Variants in NAALADL2 observed in about 807,000 individuals in gnomAD.
NAALADL2 encodes N-acetylated alpha-linked acidic dipeptidase like 2.
In NAALADL2, 76 loss-of-function variants were observed where a neutral mutation model predicts 87.2. The ratio of observed to expected loss-of-function variants is 0.87; its 90% CI spans 0.72 to 1.05. NAALADL2 has a LOEUF of 1.05. Among genes scored for constraint, NAALADL2 ranks in the 50% least tolerant of loss-of-function variants. The pLI, the probability that NAALADL2 is intolerant of heterozygous loss-of-function variation, is 0.00. For missense variants in NAALADL2, 1,089 were observed against 945.8 expected, an observed-to-expected ratio of 1.15 and a Z score of -1.99; for synonymous variants, 354 against 331.0, an observed-to-expected ratio of 1.07 and a Z score of -0.75.
At chr3:175,202,159 C>T (rs1391475076) in intron 2 of NAALADL2, among the ~76,000 whole-genome samples, 1 of 152,102 alleles carries the variant, frequency 6.6e-6, no homozygotes, top group Non-Finnish European at 1.5e-5. Context: ...ATTCATATTC[C>T]TAATCACTCT....
chr3:174,700,579 C>CAAA lies in NAALADL2; in HGVS notation c.-114-37056_-114-37054dup, dbSNP rs568183668. Among the ~76,000 whole-genome samples, 873 of 151,710 alleles carry CAAA rather than the reference C, an allele frequency of 5.8e-3. 9 individuals carry two copies. Among genetic ancestry groups the CAAA allele is most frequent in the African/African-American group, 0.019 (798 of 41,398 alleles). On this transcript the variant is annotated intron_variant, in intron 2 of 3. Transcript: ENST00000434257. ...TGACTTTTCATTTATTTTAGAAAAA[C>CAAA]AAAAAAAATGTATTGAATGCTTTCT...
At chr3:175,683,463 G>A (rs1422406533) in intron 11 of NAALADL2, among the ~76,000 whole-genome samples, 1 of 151,844 alleles carries the variant, frequency 6.6e-6, no homozygotes, top group Non-Finnish European at 1.5e-5. Context: ...TTAAGGTTTT[G>A]ATATAAGGTT....
intron 10 of NAALADL2, among the ~76,000 whole-genome samples, chr3:175,579,732 GAC>G (rs1719471291): frequency 6.6e-6 from 1 of 152,162 alleles, no homozygotes; most frequent in African/African-American, 2.4e-5. Context: ...AAAAGGAAAA[GAC>G]AGATGCTTTC....
intron 11 of NAALADL2, among the ~76,000 whole-genome samples, chr3:175,699,399 T>A (rs1001188848): frequency 6.6e-6 from 1 of 152,048 alleles, no homozygotes; most frequent in African/African-American, 2.4e-5. Flanking sequence ...GTCCTCTGTC[T>A]TAAGTTTGCT....
intron 2 of NAALADL2, among the ~76,000 whole-genome samples, chr3:174,711,107 G>A (rs1219012213): frequency 6.6e-6 from 1 of 152,062 alleles, no homozygotes; most frequent in Non-Finnish European, 1.5e-5. Context: ...TTCCTCTTGG[G>A]GGAAAACTGG....
chr3:175,093,416 T>TATATATATA (rs1489640629), intron 1 of NAALADL2, among the ~76,000 whole-genome samples: 9,641 of 139,352 alleles, frequency 0.069, 364 homozygotes, highest in Middle Eastern at 0.098. Flanking sequence ...TTTTATTTTT[T>TATATATATA]TATATATATA....
intron 1 of NAALADL2, among the ~76,000 whole-genome samples, chr3:174,894,594 C>CAAAAAAAAAAAAA (rs869161862): frequency 2.9e-4 from 14 of 48,470 alleles, no homozygotes; most frequent in Non-Finnish European, 4.2e-4. Context: ...AACTCCGTCT[C>CAAAAAAAAAAAAA]AAAAAAAAAA....
rs143306672 is a variant in NAALADL2 at position 175,689,147 on chromosome 3, G to A, written c.1897-48159G>A. 8.6e-3 allele frequency among the ~76,000 whole-genome samples: 1,312 copies of A among 152,228 alleles called. 21 individuals are homozygous for A. Among genetic ancestry groups the A allele is most frequent in the African/African-American group, 0.029 (1,215 of 41,536 alleles). On this transcript the variant is annotated intron_variant, in intron 11 of 13. Transcript: ENST00000454872. The stretch of plus-strand genomic sequence containing the variant: ...GGTAATTAAAGAAAAGTGAAAAATG[G>A]CTTTTATTAGAAGACAAAAGAATAA...
chr3:175,624,173 T>C (rs1245600585), intron 10 of NAALADL2, among the ~76,000 whole-genome samples: 2 of 152,070 alleles, frequency 1.3e-5, no homozygotes, highest in East Asian at 1.9e-4. Context: ...TAATAAACTC[T>C]GTATAGTTAC....
At chr3:175,419,177 T>C (rs539645782) in intron 5 of NAALADL2, among the ~76,000 whole-genome samples, 24 of 151,738 alleles carry the variant, frequency 1.6e-4, no homozygotes, top group Admixed American at 1.1e-3. Context: ...GAAAAATGTA[T>C]TGGGGGAGGG....
intron 1 of NAALADL2, chr3:174,864,180 G>A (rs1726856157): frequency 2.6e-6 from 1 of 381,780 alleles, no homozygotes; most frequent in African/African-American, 2.2e-5. Flanking sequence ...GGTCTTTGCA[G>A]CAGGCAAAAG....
chr3:174,829,118 GTTGTT>G (rs1474428531), intron 3 of NAALADL2, among the ~76,000 whole-genome samples: 1 of 142,960 alleles, frequency 7.0e-6, no homozygotes, highest in African/African-American at 2.5e-5. Flanking sequence ...TGTTGTTGTT[GTTGTT>G]TTTAATTATA....
chr3:174,632,394 G>A (rs1722204407), intron 2 of NAALADL2, among the ~76,000 whole-genome samples: 1 of 151,976 alleles, frequency 6.6e-6, no homozygotes, highest in Admixed American at 6.6e-5. Context: ...TTAAAGTTCG[G>A]GGAAATAGGC....
At chr3:175,001,053 GGAAGTGAGGGGTT>G (rs1419975101) in intron 1 of NAALADL2, among the ~76,000 whole-genome samples, 16 of 152,190 alleles carry the variant, frequency 1.1e-4, no homozygotes, top group Non-Finnish European at 2.2e-4. Flanking sequence ...TGGTTTGTTT[GGAAGTGAGGGGTT>G]TCCCAGACAG....
At chr3:174,986,437 A>G (rs1191181724) in intron 1 of NAALADL2, among the ~76,000 whole-genome samples, 1 of 151,526 alleles carries the variant, frequency 6.6e-6, no homozygotes, top group Non-Finnish European at 1.5e-5. Context: ...TAGTTGCTAT[A>G]AGGTTTGCAA....
chr3:174,784,520 T>C (rs1195461407), intron 3 of NAALADL2, among the ~76,000 whole-genome samples: 1 of 152,220 alleles, frequency 6.6e-6, no homozygotes, highest in Non-Finnish European at 1.5e-5. Flanking sequence ...AATCAAACGA[T>C]AAAAACCTTT....
At chr3:174,729,137 G>T (rs1732467544) in intron 2 of NAALADL2, among the ~76,000 whole-genome samples, 1 of 151,970 alleles carries the variant, frequency 6.6e-6, no homozygotes, top group South Asian at 2.1e-4. Context: ...AAGAATCTGT[G>T]TAATGTCACC....
chr3:175,726,008 G>C (rs892034862), intron 11 of NAALADL2, among the ~76,000 whole-genome samples: 3 of 152,008 alleles, frequency 2.0e-5, no homozygotes, highest in African/African-American at 7.2e-5. Flanking sequence ...TTAGTATCTT[G>C]AAGTTTCATT....
At chr3:175,053,750 A>T (rs1711517910) in intron 1 of NAALADL2, among the ~76,000 whole-genome samples, 1 of 152,230 alleles carries the variant, frequency 6.6e-6, no homozygotes, top group South Asian at 2.1e-4. Flanking sequence ...CTCCTCCCGT[A>T]AAACATGAGG....
Sources: gnomAD v4.1 joint callset for allele counts (sites outside exome capture counted in the v4.1 genomes callset) on GRCh38, gnomAD v4.1.1 for gene constraint, MANE v1.5 for transcripts, NCBI Gene and HGNC (gene_info 2026-07-23, HGNC 2026-07-21) for gene names.